The following PRDM16 variants were observed in gnomAD, a reference collection of about 807,000 sequenced individuals.
PRDM16 encodes histone-lysine N-methyltransferase PRDM16.
PRDM16 carries 23 observed loss-of-function variants against 110.6 expected under a neutral mutation model. That is an observed-to-expected ratio of 0.21 (90% CI 0.15 to 0.29). PRDM16 has a LOEUF of 0.29. Among genes scored for constraint, PRDM16 ranks in the 10% least tolerant of loss-of-function variants. The pLI is 1.00. For synonymous variants in PRDM16, 799 were observed against 781.8 expected, an observed-to-expected ratio of 1.02 and a Z score of -0.37; for missense variants, 1,615 against 1,794.3, an observed-to-expected ratio of 0.90 and a Z score of 1.81.
At chr1:3,176,063 C>CCT (rs1487654277) in intron 1 of PRDM16, among the ~76,000 whole-genome samples, 2 of 151,766 alleles carry the variant, frequency 1.3e-5, no homozygotes, top group East Asian at 1.9e-4. Flanking sequence ...ATCCATCCAA[C>CCT]CATCCATCCA....
chr1:3,072,003 T>C (rs1381262872), intron 1 of PRDM16, among the ~76,000 whole-genome samples: 2 of 152,182 alleles, frequency 1.3e-5, no homozygotes, highest in Admixed American at 6.5e-5. Flanking sequence ...CAGCTGAGCT[T>C]TCCAAGGACA....
chr1:3,426,140 G>A lies in PRDM16; in HGVS notation c.3199G>A (p.Glu1067Lys), dbSNP rs200946004. The A allele has an allele frequency of 6.6e-5, 106 of 1,613,782 alleles. No individual in the cohort carries two copies. The highest frequency in any genetic ancestry group is 5.8e-5 in the Non-Finnish European group (69 of 1,179,926). ...SESDNHALLD[E>K]KEDSYFSEIR... Reference sequence around the variant, plus strand: ...GTCGGACAACCACGCACTTTTAGACGAGAAAGAAGACTCTTATTTCTCGGA... The same window carrying A: ...GTCGGACAACCACGCACTTTTAGACAAGAAAGAAGACTCTTATTTCTCGGA... The change falls in exon 14 of 17, where the codon GAG (glutamate) becomes AAG (lysine). Residue 1067 changes from glutamate to lysine, a missense_variant. Physicochemically the swap from Glu to Lys is moderately conservative, Grantham distance 56. Coordinates refer to ENST00000270722, the MANE Select transcript of PRDM16 (RefSeq NM_022114.4).
At chr1:3,073,514 G>A (rs1641816839) in intron 1 of PRDM16, among the ~76,000 whole-genome samples, 1 of 152,184 alleles carries the variant, frequency 6.6e-6, no homozygotes, top group Non-Finnish European at 1.5e-5. Flanking sequence ...GGCGCGGGAG[G>A]ACCAGGAGCA....
At chr1:3,316,400 C>T (rs923616896) in intron 3 of PRDM16, among the ~76,000 whole-genome samples, 13 of 152,188 alleles carry the variant, frequency 8.5e-5, no homozygotes, top group African/African-American at 2.9e-4. Context: ...AGTTGCACAC[C>T]CATCCAGCTT....
At chr1:3,404,926 A>G (rs373396303) in intron 7 of PRDM16, 40 bp downstream of exon 7, 2 of 1,597,834 alleles carry the variant, frequency 1.3e-6, no homozygotes, top group East Asian at 2.2e-5. Flanking sequence ...CCGGGGCAGC[A>G]GGAGGCTGCA....
In PRDM16 at chr1:3,244,900, C is replaced by T. The variant is rs1175395831; in HGVS notation, c.438+763C>T. Among the ~76,000 whole-genome samples, 1 of 152,220 alleles carries T rather than the reference C, an allele frequency of 6.6e-6. No individual in the cohort carries two copies. The highest frequency in any genetic ancestry group is 1.5e-5 in the Non-Finnish European group (1 of 68,048). On this transcript the variant is annotated intron_variant, in intron 3 of 16. Coordinates refer to ENST00000270722, the MANE Select transcript of PRDM16 (RefSeq NM_022114.4). This position sits in a 1 kb window ranked among gnomAD's most constrained non-coding sequence, Gnocchi z 4.1. ...TTGCCTGCACGCACACACAGACGTC[C>T]ACAGACACAGCACGCTCACACGTGG...
chr1:3,201,567 G>A lies in PRDM16; in HGVS notation c.387+15093G>A, dbSNP rs1420908608. On this transcript the variant is annotated intron_variant, in intron 2 of 16. Coordinates refer to ENST00000270722, the MANE Select transcript of PRDM16 (RefSeq NM_022114.4). The surrounding 1 kb of genome is among the most constrained non-coding windows in gnomAD (Gnocchi z 4.1). ...TGGGGAGGACAGGAGGGCCACCCGGGGCAGCTGCCCTCTGAGGGACTTTTT... is the reference window on the plus strand; with the variant it reads ...TGGGGAGGACAGGAGGGCCACCCGGAGCAGCTGCCCTCTGAGGGACTTTTT... Among the ~76,000 whole-genome samples, 1 of 152,218 alleles carries A rather than the reference G, an allele frequency of 6.6e-6. No homozygotes were observed. The highest frequency in any genetic ancestry group is 1.5e-5 in the Non-Finnish European group (1 of 68,032).
chr1:3,392,459 C>A (rs764889521), intron 4 of PRDM16, among the ~76,000 whole-genome samples: 2 of 152,200 alleles, frequency 1.3e-5, no homozygotes, highest in Non-Finnish European at 2.9e-5. Context: ...TCAGATTCAA[C>A]CCAGTTCCTT....
chr1:3,390,853 T>A lies in PRDM16; in HGVS notation c.573+5567T>A, dbSNP rs1258171830. Among the ~76,000 whole-genome samples, 2 of 142,240 alleles carry A rather than the reference T, an allele frequency of 1.4e-5. No individual in the cohort carries two copies. The highest frequency in any genetic ancestry group is 7.2e-5 in the Admixed American group (1 of 13,884). The allele number at this position is 142,240 out of a possible 152,430, so 93.3% of individuals were successfully genotyped here. The stretch of plus-strand genomic sequence containing the variant: ...CAGTGTGTTTTTTTTTTTTTTTTTT[T>A]AGACAGAGTTTCACTCTTGTTGCCC... On this transcript the variant is annotated intron_variant, in intron 4 of 16. Coordinates refer to ENST00000270722, the MANE Select transcript of PRDM16 (RefSeq NM_022114.4). The surrounding 1 kb of genome is among the most constrained non-coding windows in gnomAD (Gnocchi z 5.0).
At position 3,175,842 on chromosome 1, in the gene PRDM16, TG is replaced by T. The variant is rs1257913068; in HGVS notation, c.38-10282del. ...GTCAAGGGCAGAGAGGAGCCAGGGT[TG>T]TGTTAATGGAGCTTCACGGCTAGGG... On this transcript the variant is annotated intron_variant, in intron 1 of 16. Transcript: ENST00000270722. The surrounding 1 kb of genome is among the most constrained non-coding windows in gnomAD (Gnocchi z 4.8). Among the ~76,000 whole-genome samples, 2 of 152,144 alleles carry T rather than the reference TG, an allele frequency of 1.3e-5. No individual in the cohort carries two copies. The highest frequency in any genetic ancestry group is 2.4e-5 in the African/African-American group (1 of 41,426).
chr1:3,349,902 C>G (rs1007860106), intron 3 of PRDM16, among the ~76,000 whole-genome samples: 3 of 152,222 alleles, frequency 2.0e-5, no homozygotes, highest in Non-Finnish European at 2.9e-5. Context: ...CAGGCGCCCT[C>G]TGCCGTGAAT....
At chr1:3,421,505 G>A (rs750095947) in intron 12 of PRDM16, among the ~76,000 whole-genome samples, 1 of 152,328 alleles carries the variant, frequency 6.6e-6, no homozygotes, top group South Asian at 2.1e-4. Flanking sequence ...CCAGCTGCTC[G>A]GAGAACTCTG....
At chr1:3,394,018 A>C (rs1408870605) in intron 4 of PRDM16, among the ~76,000 whole-genome samples, 1 of 151,612 alleles carries the variant, frequency 6.6e-6, no homozygotes, top group Non-Finnish European at 1.5e-5. Flanking sequence ...CGGCGGCTCC[A>C]GGGCAGTGTC....
At chr1:3,078,480 A>G (rs1397864089) in intron 1 of PRDM16, among the ~76,000 whole-genome samples, 1 of 152,182 alleles carries the variant, frequency 6.6e-6, no homozygotes, top group Non-Finnish European at 1.5e-5. Context: ...TCTAGACATG[A>G]GGCTCAGGGC....
chr1:3,369,955 C>G (rs1174342567), intron 3 of PRDM16, among the ~76,000 whole-genome samples: 1 of 152,174 alleles, frequency 6.6e-6, no homozygotes, highest in African/African-American at 2.4e-5. Flanking sequence ...AAACATCAGG[C>G]CTGATACGAA....
intron 2 of PRDM16, among the ~76,000 whole-genome samples, chr1:3,202,533 G>A (rs1246677995): frequency 1.3e-5 from 2 of 152,170 alleles, no homozygotes; most frequent in Non-Finnish European, 2.9e-5. Flanking sequence ...TAGGCCTTTT[G>A]CATTTTTGCT....
rs1171077190 is a variant in PRDM16, at chr1:3,350,629, G to C, written c.439-34523G>C. 1.3e-5 allele frequency among the ~76,000 whole-genome samples: 2 copies of C among 152,090 alleles called. No individual in the cohort carries two copies. Among genetic ancestry groups the C allele is most frequent in the African/African-American group, 2.4e-5 (1 of 41,430 alleles). The stretch of plus-strand genomic sequence containing the variant: ...TGGGAGCCAGCCCTGCCCGGCCAGG[G>C]CTCGGGCACAGCTTGGCTCCATGCA... On this transcript the variant is annotated intron_variant, in intron 3 of 16. Coordinates refer to ENST00000270722, the MANE Select transcript of PRDM16 (RefSeq NM_022114.4). This position sits in a 1 kb window ranked among gnomAD's most constrained non-coding sequence, Gnocchi z 7.1.
At chr1:3,144,220 C>T (rs1643603566) in intron 1 of PRDM16, among the ~76,000 whole-genome samples, 1 of 152,154 alleles carries the variant, frequency 6.6e-6, no homozygotes, top group African/African-American at 2.4e-5. Context: ...CATCACTGCC[C>T]TGGATGGGGG....
At chr1:3,340,956 G>A (rs186417672) in intron 3 of PRDM16, among the ~76,000 whole-genome samples, 41 of 152,300 alleles carry the variant, frequency 2.7e-4, no homozygotes, top group African/African-American at 8.9e-4. Context: ...CATGGCCCCC[G>A]TGAGCTGACC....
Sources: allele counts gnomAD v4.1 joint callset (sites outside exome capture counted in the v4.1 genomes callset), GRCh38; gene constraint gnomAD v4.1.1; non-coding constraint Gnocchi (gnomAD v3.1); transcripts MANE v1.5; gene names NCBI Gene and HGNC (gene_info 2026-07-23, HGNC 2026-07-21).